Variants in DPY19L4 observed in about 807,000 individuals in gnomAD.
DPY19L4 encodes the protein dpy-19 like 4.
In DPY19L4, 97 loss-of-function variants were observed where a neutral mutation model predicts 102.8. That is an observed-to-expected ratio of 0.94 (90% CI 0.80 to 1.12). DPY19L4 has a LOEUF of 1.12. DPY19L4 is among the 50% of genes most tolerant of loss of function. The pLI, the probability that DPY19L4 is intolerant of heterozygous loss-of-function variation, is 0.00. For missense variants in DPY19L4, 815 were observed against 850.4 expected, an observed-to-expected ratio of 0.96 and a Z score of 0.52; for synonymous variants, 252 against 283.1, an observed-to-expected ratio of 0.89 and a Z score of 1.10.
chr8:94,771,782 TG>T (rs1314732161), intron 13 of DPY19L4, among the ~76,000 whole-genome samples: 1 of 152,168 alleles, frequency 6.6e-6, no homozygotes, highest in Non-Finnish European at 1.5e-5. Flanking sequence ...ACAGGGAGCA[TG>T]TGGCAGGCTT....
At chr8:94,739,619 G>C in intron 5 of DPY19L4, 26 bp from the exon 6 acceptor site, 1 of 1,611,464 alleles carries the variant, frequency 6.2e-7, no homozygotes, top group Non-Finnish European at 8.5e-7. Context: ...CTATTGTCTT[G>C]TTCTCTTTCT....
At chr8:94,742,274 C>T (rs911859068) in intron 6 of DPY19L4, among the ~76,000 whole-genome samples, 3 of 152,060 alleles carry the variant, frequency 2.0e-5, no homozygotes, top group African/African-American at 4.8e-5. Flanking sequence ...AGGAGAATGG[C>T]GTGAACCCAG....
intron 13 of DPY19L4, among the ~76,000 whole-genome samples, chr8:94,773,960 G>A (rs1018819005): frequency 1.4e-5 from 2 of 148,056 alleles, no homozygotes; most frequent in Non-Finnish European, 3.0e-5. Flanking sequence ...GCTTCAGCCT[G>A]GGAGTTTTAG....
In DPY19L4 at chr8:94,756,068, C is replaced by T. The variant is rs766480385; in HGVS notation, c.644C>T (p.Pro215Leu). The T allele has an allele frequency of 6.2e-7, 1 of 1,612,956 alleles. No individual in the cohort carries two copies. Among genetic ancestry groups the T allele is most frequent in the Admixed American group, 1.7e-5 (1 of 59,944 alleles). ...ACAACAAGAATTGAATACTCCATTCCTTTAAGAGAAAACTGGGCACTACCA... is the reference window on the plus strand; with the variant it reads ...ACAACAAGAATTGAATACTCCATTCTTTTAAGAGAAAACTGGGCACTACCA... Reference protein sequence around the residue: ...VDTTRIEYSIPLRENWALPYF... With the variant: ...VDTTRIEYSILLRENWALPYF... The change falls in exon 7 of 19, where the codon CCT (proline) becomes CTT (leucine). Residue 215 changes from proline to leucine, a missense_variant. Transcript: ENST00000414645.
intron 17 of DPY19L4, among the ~76,000 whole-genome samples, chr8:94,786,740 G>A (rs1157990947): frequency 2.0e-5 from 3 of 152,036 alleles, no homozygotes; most frequent in South Asian, 2.1e-4. Context: ...TAGAGATGGG[G>A]TTTTGCCATG....
In DPY19L4 at chr8:94,756,177, T is replaced by A; in HGVS notation, c.735+18T>A. 6.2e-7 allele frequency: 1 copy of A among 1,607,328 alleles called. No homozygotes were observed. Among genetic ancestry groups the A allele is most frequent in the Non-Finnish European group, 8.5e-7 (1 of 1,177,734 alleles). ...ATGGAGAGGTAAGATACAAATCTGT[T>A]TTATCTGTTGCAGCTAATTCTGATG... is the stretch of plus-strand genomic sequence containing the variant. On this transcript the variant is annotated intron_variant, in intron 7 of 18. Transcript: ENST00000414645.
In DPY19L4 at chr8:94,764,666, C is replaced by CGT. The variant is rs201694887; in HGVS notation, c.871-504_871-503dup. 7.6e-3 allele frequency among the ~76,000 whole-genome samples: 594 copies of CGT among 78,332 alleles called. 4 individuals are homozygous for CGT. Among genetic ancestry groups the CGT allele is most frequent in the African/African-American group, 0.028 (510 of 18,378 alleles). 51.4% of individuals were successfully genotyped at this position (78,332 alleles called of 152,430 possible). A position where few individuals can be genotyped will look rare whatever the true frequency, so the allele number is the denominator to read the frequency against. On this transcript the variant is annotated intron_variant, in intron 8 of 18. Transcript: ENST00000414645. ...ATATATATGTATGTATGTATGTATG[C>CGT]GTGTGTGTGTGTGTCTGTGTGTGTA...
intron 2 of DPY19L4, among the ~76,000 whole-genome samples, chr8:94,727,953 T>G (rs188832327): frequency 2.0e-5 from 3 of 152,016 alleles, no homozygotes; most frequent in Non-Finnish European, 4.4e-5. Flanking sequence ...TTTCTTTTTT[T>G]CCTTTTTCTT....
chr8:94,768,835 T>G (rs1002830096), intron 12 of DPY19L4, among the ~76,000 whole-genome samples: 1 of 151,590 alleles, frequency 6.6e-6, no homozygotes, highest in Non-Finnish European at 1.5e-5. Flanking sequence ...CTACTAAAAG[T>G]ACATAAATTA....
chr8:94,778,418 G>C (rs1813281745), intron 14 of DPY19L4, among the ~76,000 whole-genome samples: 1 of 152,112 alleles, frequency 6.6e-6, no homozygotes, highest in Admixed American at 6.6e-5. Flanking sequence ...ATTACATTCT[G>C]CCTGCTATGT....
chr8:94,764,637 TTATA>T (rs1208998338), intron 8 of DPY19L4, among the ~76,000 whole-genome samples: 4 of 140,718 alleles, frequency 2.8e-5, no homozygotes, highest in Non-Finnish European at 3.0e-5. Context: ...TACATATATA[TTATA>T]TATATATGTA....
intron 1 of DPY19L4, among the ~76,000 whole-genome samples, chr8:94,724,886 C>A: frequency 6.6e-6 from 1 of 152,160 alleles, no homozygotes; most frequent in Non-Finnish European, 1.5e-5. Flanking sequence ...CCATACCCGG[C>A]CTAATAATGT....
intron 17 of DPY19L4, 32 bp from the exon 18 acceptor site, chr8:94,787,862 C>A (rs1018782015): frequency 2.5e-6 from 3 of 1,202,858 alleles, no homozygotes; most frequent in Non-Finnish European, 3.2e-6. Context: ...TAATTATATT[C>A]TTTCAGTTTT....
At chr8:94,730,874 T>G (rs993812120) in intron 2 of DPY19L4, among the ~76,000 whole-genome samples, 2 of 147,868 alleles carry the variant, frequency 1.4e-5, no homozygotes, top group African/African-American at 5.0e-5. Context: ...GCCTCCCGAG[T>G]AGCTGGGATT....
chr8:94,738,516 CT>C (rs368142148), intron 4 of DPY19L4, 57 bp downstream of exon 4: 100,194 of 752,110 alleles, frequency 0.13, 64 homozygotes, highest in South Asian at 0.17. Context: ...CTTTTCTTTT[CT>C]TTTTTTTTTT....
chr8:94,766,589 T>TA, intron 10 of DPY19L4, 23 bp from the exon 11 acceptor site: 1 of 1,608,382 alleles, frequency 6.2e-7, no homozygotes, highest in Non-Finnish European at 8.5e-7. Context: ...TTTCTTTGTT[T>TA]AACTGGTGTT....
intron 16 of DPY19L4, 60 bp from the exon 17 acceptor site, chr8:94,783,610 T>A (rs1813525909): frequency 6.4e-7 from 1 of 1,572,858 alleles, no homozygotes; most frequent in Non-Finnish European, 8.6e-7. Flanking sequence ...TTGATATAGA[T>A]CAGTGATCTA....
rs376044474 is a variant in DPY19L4 at position 94,739,773 on chromosome 8, G to C, written c.594G>C (p.Ala198=). ...GTWLAGMLTV[A]WFVINRVDTT... Reference sequence around the variant, plus strand: ...GGCTAGCAGGAATGCTTACTGTTGCGTGGTTCGTTATTAACAGGTAAGAAA... The same window carrying C: ...GGCTAGCAGGAATGCTTACTGTTGCCTGGTTCGTTATTAACAGGTAAGAAA... The change falls in exon 6 of 19, where the codon GCG becomes GCC. Residue 198 remains alanine, a synonymous_variant. Transcript: ENST00000414645. The C allele has an allele frequency of 6.2e-7, 1 of 1,612,298 alleles. No individual in the cohort carries two copies. Among genetic ancestry groups the C allele is most frequent in the Non-Finnish European group, 8.5e-7 (1 of 1,180,000 alleles).
At chr8:94,733,407 G>A (rs1240980056) in intron 2 of DPY19L4, among the ~76,000 whole-genome samples, 2 of 152,156 alleles carry the variant, frequency 1.3e-5, no homozygotes, top group East Asian at 1.9e-4. Context: ...TTACAGGTGT[G>A]AGCCACCGTG....
Sources: allele counts gnomAD v4.1 joint callset (sites outside exome capture counted in the v4.1 genomes callset), GRCh38; gene constraint gnomAD v4.1.1; transcripts MANE v1.5; gene names NCBI Gene and HGNC (gene_info 2026-07-23, HGNC 2026-07-21).